The following STRIP2 variants were observed in gnomAD, a reference collection of about 807,000 sequenced individuals.
The protein encoded by STRIP2 is striatin interacting protein 2.
STRIP2 carries 84 observed loss-of-function variants against 107.1 expected under a neutral mutation model. The observed-to-expected ratio is 0.78, with a 90% CI of 0.66 to 0.94. The LOEUF (loss-of-function observed/expected upper bound fraction) is 0.94, where lower values mean the gene tolerates loss of function less well. Ranked by LOEUF, STRIP2 falls within the 40% of genes least tolerant of loss-of-function variation. The pLI is 0.00. For missense variants in STRIP2, 888 were observed against 1,034.2 expected (o/e 0.86, Z 1.94); for synonymous variants, 394 against 400.4 (o/e 0.98, Z 0.19).
Position 129,434,532 on chromosome 7 carries a change from C to T in STRIP2, c.60C>T (p.Gly20=), listed in dbSNP as rs1285672443. 2 of 1,517,822 alleles carry T rather than the reference C, an allele frequency of 1.3e-6. No individual in the cohort carries two copies. The highest frequency in any genetic ancestry group is 2.6e-5 in the East Asian group (1 of 38,644). The allele number at this position is 1,517,822 out of a possible 1,614,324, so 94.0% of individuals were successfully genotyped here. A position where few individuals can be genotyped will look rare whatever the true frequency, so the allele number is the denominator to read the frequency against. ...GGPPANGNGN[G]GGKGKQAAPK... ...CGCCCGCAAATGGCAATGGCAACGG[C>T]GGCGGCAAAGGGAAGCAGGCGGCGC... The change falls in exon 1 of 21, where the codon GGC becomes GGT. Residue 20 remains glycine (G), a synonymous_variant. Transcript: ENST00000249344.
At chr7:129,444,177 C>A in intron 3 of STRIP2, 79 bp downstream of exon 3, 2 of 1,040,568 alleles carry the variant, frequency 1.9e-6, no homozygotes, top group Non-Finnish European at 2.9e-6. Flanking sequence ...AAGACTAAAA[C>A]AAAGTGCGAT....
At chr7:129,463,173 GAC>G in intron 14 of STRIP2, 133 bp downstream of exon 14, 1 of 665,476 alleles carries the variant, frequency 1.5e-6, no homozygotes. Flanking sequence ...GGCATTCTCT[GAC>G]ACATGCAAAT....
chr7:129,443,840 G>A (rs1330578292), intron 2 of STRIP2, among the ~76,000 whole-genome samples, 184 bp from the exon 3 acceptor site: 1 of 152,220 alleles, frequency 6.6e-6, no homozygotes, highest in Non-Finnish European at 1.5e-5. Flanking sequence ...AGGTTTGATG[G>A]TTTAATCTCC....
intron 14 of STRIP2, among the ~76,000 whole-genome samples, chr7:129,463,421 G>A (rs1798593947): frequency 6.9e-6 from 1 of 144,394 alleles, no homozygotes; most frequent in East Asian, 2.1e-4. Context: ...GAGAAGTTGG[G>A]TTTATGCCGC....
chr7:129,463,492 G>T (rs1001560691), intron 14 of STRIP2, among the ~76,000 whole-genome samples: 2 of 151,614 alleles, frequency 1.3e-5, no homozygotes, highest in Non-Finnish European at 2.9e-5. Flanking sequence ...CCTTTGAAAA[G>T]AACAGTCTTT....
At chr7:129,478,521 A>C (rs1799031880) in intron 18 of STRIP2, among the ~76,000 whole-genome samples, 1 of 152,126 alleles carries the variant, frequency 6.6e-6, no homozygotes, top group South Asian at 2.1e-4. Context: ...GAAAAAGAAA[A>C]ATTGAAAGAT....
At chr7:129,476,728 C>T (rs1464410042) in intron 18 of STRIP2, among the ~76,000 whole-genome samples, 2 of 150,666 alleles carry the variant, frequency 1.3e-5, no homozygotes, top group East Asian at 2.0e-4. Flanking sequence ...GCATCCCAGA[C>T]GATGGGCAGC....
At chr7:129,464,437 C>T (rs1422342160) in intron 15 of STRIP2, among the ~76,000 whole-genome samples, 175 bp from the exon 16 acceptor site, 1 of 152,016 alleles carries the variant, frequency 6.6e-6, no homozygotes, top group Non-Finnish European at 1.5e-5. Context: ...ATCAGTGGAG[C>T]ATTTCTTCAG....
At chr7:129,481,961 A>G (rs1047328371) in intron 19 of STRIP2, among the ~76,000 whole-genome samples, 13 of 151,902 alleles carry the variant, frequency 8.6e-5, no homozygotes, top group African/African-American at 3.1e-4. Context: ...TGAGGTCAGG[A>G]GTTTGAGACC....
chr7:129,436,467 C>A (rs1284738957), intron 1 of STRIP2, among the ~76,000 whole-genome samples: 2 of 152,196 alleles, frequency 1.3e-5, no homozygotes, highest in Non-Finnish European at 2.9e-5. Flanking sequence ...CCGCGGTTTA[C>A]CTGCTGATTG....
intron 13 of STRIP2, among the ~76,000 whole-genome samples, chr7:129,460,727 A>G (rs1375128792): frequency 2.0e-5 from 3 of 152,228 alleles, no homozygotes; most frequent in Non-Finnish European, 4.4e-5. Flanking sequence ...TAGGAGCATC[A>G]GAGGAAAGAG....
intron 5 of STRIP2, among the ~76,000 whole-genome samples, chr7:129,453,876 G>C (rs1798265944): frequency 6.6e-6 from 1 of 152,172 alleles, no homozygotes; most frequent in African/African-American, 2.4e-5. Context: ...CTTAGCATCT[G>C]TTTTATGTCC....
At chr7:129,475,311 A>G (rs1798886389) in intron 18 of STRIP2, among the ~76,000 whole-genome samples, 1 of 151,942 alleles carries the variant, frequency 6.6e-6, no homozygotes, top group Admixed American at 6.5e-5. Context: ...AATATTTTAT[A>G]TGTATTATAT....
chr7:129,455,389 C>T lies in STRIP2; in HGVS notation c.834+18C>T, dbSNP rs1324694573. 1.2e-6 allele frequency: 2 copies of T among 1,608,656 alleles called. No homozygotes were observed. The highest frequency in any genetic ancestry group is 1.7e-6 in the Non-Finnish European group (2 of 1,177,876). On this transcript the variant is annotated intron_variant, in intron 8 of 20. Coordinates refer to ENST00000249344, the MANE Select transcript of STRIP2 (RefSeq NM_020704.3). ...TGGTCATGGTGAGTAATTCTCCCCACTCCCACATTATCAGATCAGCAATGC... is the reference window on the plus strand; with the variant it reads ...TGGTCATGGTGAGTAATTCTCCCCATTCCCACATTATCAGATCAGCAATGC...
chr7:129,485,475 ATTTCTGAGCAGTTCC>A, intron 20 of STRIP2, 89 bp from the exon 21 acceptor site: 1 of 1,277,704 alleles, frequency 7.8e-7, no homozygotes. Context: ...AAAAAAAAGA[ATTTCTGAGCAGTTCC>A]ATTTTTGGAA....
chr7:129,435,735 G>A (rs1797718526), intron 1 of STRIP2, among the ~76,000 whole-genome samples: 1 of 152,190 alleles, frequency 6.6e-6, no homozygotes, highest in Admixed American at 6.5e-5. Context: ...CACAATGCAT[G>A]TAATTAGTCA....
intron 3 of STRIP2, among the ~76,000 whole-genome samples, chr7:129,448,865 T>C (rs983043167): frequency 2.0e-5 from 3 of 152,216 alleles, no homozygotes; most frequent in Admixed American, 6.5e-5. Flanking sequence ...ACAGGACTCT[T>C]CAAAGATGCA....
At chr7:129,462,582 C>T (rs753872671) in intron 13 of STRIP2, among the ~76,000 whole-genome samples, 27 of 152,230 alleles carry the variant, frequency 1.8e-4, no homozygotes, top group Non-Finnish European at 3.5e-4. Context: ...CTTCCTGTTT[C>T]TCCAGTCCAT....
chr7:129,483,239 T>G lies in STRIP2; in HGVS notation c.2254+193T>G. The G allele has an allele frequency of 1.6e-6, 2 of 1,281,108 alleles. No individual in the cohort carries two copies. Among genetic ancestry groups the G allele is most frequent in the Middle Eastern group, 3.0e-4 (1 of 3,344 alleles). The allele number at this position is 1,281,108 out of a possible 1,614,324, so 79.4% of individuals were successfully genotyped here. A position where few individuals can be genotyped will look rare whatever the true frequency, so the allele number is the denominator to read the frequency against. ...AATTCTAGTATGTACCCTTGTCCTA[T>G]GTAAACTATGAAAATCCGTTTTATA... is the stretch of plus-strand genomic sequence containing the variant. On this transcript the variant is annotated intron_variant, in intron 20 of 20. Transcript: ENST00000249344. This position sits in a 1 kb window ranked among gnomAD's most constrained non-coding sequence, Gnocchi z 5.1.
Sources: gnomAD v4.1 joint callset for allele counts (sites outside exome capture counted in the v4.1 genomes callset) on GRCh38, gnomAD v4.1.1 for gene constraint, Gnocchi (gnomAD v3.1) non-coding constraint, MANE v1.5 for transcripts, NCBI Gene and HGNC (gene_info 2026-07-23, HGNC 2026-07-21) for gene names.